The following PRMT2 variants were observed in gnomAD, a reference collection of about 807,000 sequenced individuals.
PRMT2 encodes protein arginine N-methyltransferase 2.
PRMT2 carries 26 observed loss-of-function variants against 57.6 expected under a neutral mutation model. That is an observed-to-expected ratio of 0.45 (90% confidence interval 0.33 to 0.63). The LOEUF (loss-of-function observed/expected upper bound fraction) is 0.63. Among genes scored for constraint, PRMT2 ranks in the 20% least tolerant of loss-of-function variants. The pLI is 0.02. For synonymous variants in PRMT2, 219 were observed against 220.0 expected, an observed-to-expected ratio of 1.00 and a Z score of 0.04; for missense variants, 472 against 564.4, an observed-to-expected ratio of 0.84 and a Z score of 1.66.
In PRMT2 at chr21:46,661,852, G is replaced by A. The variant is rs1235618880; in HGVS notation, c.1013G>A (p.Gly338Asp). 1.3e-6 allele frequency: 2 copies of A among 1,518,544 alleles called. No homozygotes were observed. Among genetic ancestry groups the A allele is most frequent in the Non-Finnish European group, 1.8e-6 (2 of 1,128,120 alleles). 94.1% of individuals were successfully genotyped at this position (1,518,544 alleles called of 1,614,324 possible). A position where few individuals can be genotyped will look rare whatever the true frequency, so the allele number is the denominator to read the frequency against. ...ATCAGGAAGGCGGGGACCCTGCACG[G>A]CTTCACGGCCTGGTTTAGCGTCCAC... Reference protein sequence around the residue: ...FDIRKAGTLHGFTAWFSVHFQ... With the variant: ...FDIRKAGTLHDFTAWFSVHFQ... Residue 338 changes from glycine to aspartate, a missense_variant, in exon 10 of 12, where the codon GGC becomes GAC. Gly to Asp is a moderately conservative substitution (Grantham distance 94). Coordinates refer to ENST00000355680, the MANE Select transcript of PRMT2 (RefSeq NM_206962.4).
At chr21:46,663,929 CAGTT>C (rs2061667088) in intron 11 of PRMT2, among the ~76,000 whole-genome samples, 1 of 152,230 alleles carries the variant, frequency 6.6e-6, no homozygotes, top group Admixed American at 6.5e-5. Flanking sequence ...TCCCAGGCAG[CAGTT>C]AGTCTAGGCG....
chr21:46,663,264 G>C (rs893644891), intron 10 of PRMT2, 119 bp from the exon 11 acceptor site: 10 of 973,862 alleles, frequency 1.0e-5, no homozygotes, highest in Non-Finnish European at 1.3e-5. Flanking sequence ...AGGGTGGACT[G>C]CCGGCTGTGT....
intron 7 of PRMT2, chr21:46,654,225 G>A: frequency 1.5e-6 from 1 of 671,316 alleles, no homozygotes; most frequent in Admixed American, 6.3e-5. Context: ...GGAGAAAATT[G>A]GAAACAACAG....
rs748319685 is a variant in PRMT2 at position 46,663,420 on chromosome 21, G to A, written c.1135G>A (p.Asp379Asn). The A allele has an allele frequency of 1.9e-6, 3 of 1,613,982 alleles. No homozygotes were observed. Among genetic ancestry groups the A allele is most frequent in the South Asian group, 2.2e-5 (2 of 91,064 alleles). The change falls in exon 11 of 12, where the codon GAC becomes AAC. Residue 379 changes from aspartate (D) to asparagine (N), a missense_variant. By Grantham distance (23) the Asp-to-Asn change is conservative (BLOSUM62 1). This residue lies in a region of PRMT2 where 229 missense variants were observed against 217.2 expected (regional missense o/e 1.05). Coordinates refer to ENST00000355680, the MANE Select transcript of PRMT2 (RefSeq NM_206962.4). ...GAAGCAGACGCTGTTCATGATGGAC[G>A]ACCCAGTCCCTGTCCATACAGGAGA... ...HWKQTLFMMD[D>N]PVPVHTGDVV...
At chr21:46,646,727 T>G (rs926185021) in intron 5 of PRMT2, among the ~76,000 whole-genome samples, 1 of 152,224 alleles carries the variant, frequency 6.6e-6, no homozygotes, top group Non-Finnish European at 1.5e-5. Context: ...GGGGTGTGTG[T>G]GTGTAGTGTG....
intron 3 of PRMT2, among the ~76,000 whole-genome samples, chr21:46,637,934 C>T (rs1347762608): frequency 6.6e-6 from 1 of 152,052 alleles, no homozygotes; most frequent in Admixed American, 6.6e-5. Context: ...CACTGCATTC[C>T]AGCACGGCCA....
chr21:46,651,881 T>G (rs1253175588), intron 7 of PRMT2: 2 of 1,613,042 alleles, frequency 1.2e-6, no homozygotes, highest in Non-Finnish European at 1.7e-6. Flanking sequence ...CCTGGCCTGC[T>G]GTCTGCCTCT....
intron 3 of PRMT2, among the ~76,000 whole-genome samples, chr21:46,638,575 C>T (rs910828525): frequency 3.9e-5 from 6 of 152,224 alleles, no homozygotes; most frequent in African/African-American, 1.4e-4. Flanking sequence ...TACGAGTTCA[C>T]AGGTCTGTCA....
intron 7 of PRMT2, among the ~76,000 whole-genome samples, chr21:46,654,400 T>G (rs911196734): frequency 4.6e-5 from 7 of 152,198 alleles, no homozygotes; most frequent in Non-Finnish European, 1.0e-4. Context: ...GTAACCTAGC[T>G]TCAGTTCCAG....
intron 7 of PRMT2, among the ~76,000 whole-genome samples, chr21:46,651,595 C>T (rs1225918028): frequency 6.6e-6 from 1 of 152,024 alleles, no homozygotes; most frequent in African/African-American, 2.4e-5. Flanking sequence ...GGGCTTGAGG[C>T]AGTTCCGACT....
In PRMT2 at chr21:46,649,190, C is replaced by A. The variant is rs1041757104; in HGVS notation, c.490-385C>A. Among the ~76,000 whole-genome samples, 4 of 152,196 alleles carry A rather than the reference C, an allele frequency of 2.6e-5. No homozygotes were observed. The highest frequency in any genetic ancestry group is 4.4e-5 in the Non-Finnish European group (3 of 68,044). On this transcript the variant is annotated intron_variant, in intron 6 of 11. Transcript: ENST00000355680. This position sits in a 1 kb window ranked among gnomAD's most constrained non-coding sequence, Gnocchi z 4.8. Reference sequence around the variant, plus strand: ...TCCCACCAGACCCTTCCCTGAGAACCTGGGTTTGAAATTGTCTGACAGGCC... The same window carrying A: ...TCCCACCAGACCCTTCCCTGAGAACATGGGTTTGAAATTGTCTGACAGGCC...
chr21:46,661,812 G>C lies in PRMT2; in HGVS notation c.973G>C (p.Glu325Gln). The part of the protein sequence containing the change: ...QISDLETLRG[E>Q]LRFDIRKAGT... ...CTGCTTGACCCAGACCCTGAGGGGC[G>C]AGCTGCGCTTCGACATCAGGAAGGC... Residue 325 changes from glutamate to glutamine, a missense_variant, in exon 10 of 12, where the codon GAG (glutamate) becomes CAG (glutamine). Around this residue, in one of 2 missense-constraint regions of PRMT2, gnomAD observed 229 missense variants for 217.2 expected, o/e 1.05. Transcript: ENST00000355680. The C allele has an allele frequency of 1.4e-6, 2 of 1,455,272 alleles. No individual in the cohort carries two copies. Among genetic ancestry groups the C allele is most frequent in the Non-Finnish European group, 1.8e-6 (2 of 1,094,102 alleles). 90.1% of individuals were successfully genotyped at this position (1,455,272 alleles called of 1,614,324 possible). A position where few individuals can be genotyped will look rare whatever the true frequency, so the allele number is the denominator to read the frequency against.
intron 7 of PRMT2, chr21:46,652,923 A>C (rs747194995): frequency 1.5e-6 from 2 of 1,301,112 alleles, no homozygotes; most frequent in Non-Finnish European, 1.0e-6. Context: ...GCAGTCTCCC[A>C]CTAGCCAGTG....
At chr21:46,644,164 C>A in intron 4 of PRMT2, 142 bp from the exon 5 acceptor site, 1 of 780,844 alleles carries the variant, frequency 1.3e-6, no homozygotes, top group South Asian at 1.9e-5. Context: ...CACTTGCAAA[C>A]ATTCTCAGTT....
intron 8 of PRMT2, among the ~76,000 whole-genome samples, chr21:46,660,519 T>G (rs1057285881): frequency 1.3e-5 from 2 of 152,200 alleles, no homozygotes; most frequent in Non-Finnish European, 2.9e-5. Context: ...GGGTGAGCGT[T>G]GGTTTCCGTG....
At chr21:46,650,027 T>A in intron 7 of PRMT2, 1 of 1,334,910 alleles carries the variant, frequency 7.5e-7, no homozygotes, top group Non-Finnish European at 9.9e-7. Context: ...ATCCTGTGCC[T>A]AACAGGTAAG....
intron 11 of PRMT2, 73 bp from the exon 12 acceptor site, chr21:46,664,222 A>G (rs1478534589): frequency 2.3e-6 from 3 of 1,318,576 alleles, no homozygotes; most frequent in Non-Finnish European, 3.3e-6. Flanking sequence ...CCAATATTAA[A>G]CCATTAGGAA....
At chr21:46,653,868 C>T in intron 7 of PRMT2, 2 of 1,025,448 alleles carry the variant, frequency 2.0e-6, no homozygotes, top group Middle Eastern at 4.9e-4. Flanking sequence ...AAGGTCTCTT[C>T]ACCTCCTTCT....
At chr21:46,645,055 A>G (rs565722419) in intron 5 of PRMT2, among the ~76,000 whole-genome samples, 2 of 152,140 alleles carry the variant, frequency 1.3e-5, no homozygotes, top group South Asian at 2.1e-4. Flanking sequence ...GCCTGACAAC[A>G]TAGTGAGAAA....
Sources: gnomAD v4.1 joint callset for allele counts (sites outside exome capture counted in the v4.1 genomes callset) on GRCh38, gnomAD v4.1.1 for gene constraint, gnomAD v4.1.1 regional missense constraint, Gnocchi (gnomAD v3.1) non-coding constraint, MANE v1.5 for transcripts, NCBI Gene and HGNC (gene_info 2026-07-23, HGNC 2026-07-21) for gene names.